CNTN3: variants seen among roughly 807,000 people sequenced by gnomAD.
CNTN3 encodes the protein contactin-3.
In CNTN3, 60 loss-of-function variants were observed where a neutral mutation model predicts 119.1. The ratio of observed to expected loss-of-function variants is 0.50; its 90% CI spans 0.41 to 0.62. The LOEUF is 0.62. Among genes scored for constraint, CNTN3 ranks in the 20% least tolerant of loss-of-function variants. CNTN3 has a pLI of 0.00. For missense variants in CNTN3, 1,101 were observed against 1,242.4 expected (o/e 0.89, Z 1.71); for synonymous variants, 450 against 438.7 (o/e 1.03, Z -0.32).
At chr3:74,599,837 A>C (rs1704879385) in intron 1 of CNTN3, among the ~76,000 whole-genome samples, 1 of 152,090 alleles carries the variant, frequency 6.6e-6, no homozygotes, top group African/African-American at 2.4e-5. Flanking sequence ...ATGATTTCTC[A>C]ATAGCAATAA....
chr3:74,268,217 T>A (rs1701702022), intron 20 of CNTN3, among the ~76,000 whole-genome samples: 1 of 152,020 alleles, frequency 6.6e-6, no homozygotes, highest in African/African-American at 2.4e-5. Context: ...GGTGAGGGTG[T>A]TGAGGGATGG....
intron 5 of CNTN3, among the ~76,000 whole-genome samples, chr3:74,405,978 G>T (rs772502151): frequency 2.1e-4 from 32 of 152,022 alleles, no homozygotes; most frequent in Non-Finnish European, 4.3e-4. Context: ...GCTTTCTGTT[G>T]TTCTGATAGA....
intron 20 of CNTN3, among the ~76,000 whole-genome samples, chr3:74,280,121 C>G (rs1200051827): frequency 4.6e-5 from 7 of 151,886 alleles, no homozygotes; most frequent in Admixed American, 3.3e-4. Context: ...ATCTCATGTA[C>G]TCCTTAAATA....
intron 1 of CNTN3, among the ~76,000 whole-genome samples, chr3:74,582,035 A>C (rs1256786375): frequency 6.6e-6 from 1 of 152,212 alleles, no homozygotes; most frequent in Non-Finnish European, 1.5e-5. Context: ...TCATGATCAC[A>C]GAGGGACAAA....
In CNTN3 at chr3:74,452,074, G is replaced by A. The variant is rs1251062168; in HGVS notation, c.359-27134C>T. On this transcript the variant is annotated intron_variant, in intron 4 of 22. Coordinates refer to ENST00000263665, the MANE Select transcript of CNTN3 (RefSeq NM_020872.3). ...AAGAAAGTCATTGGTAGCTCGATGGGGATGGCATTGAATCTATAAATTACC... is the reference window on the plus strand; with the variant it reads ...AAGAAAGTCATTGGTAGCTCGATGGAGATGGCATTGAATCTATAAATTACC... 2.0e-5 allele frequency among the ~76,000 whole-genome samples: 3 copies of A among 147,186 alleles called. No individual in the cohort carries two copies. The Admixed American group carries it at 2.0e-4, about 10-fold the overall frequency.
At position 74,498,281 on chromosome 3, in the gene CNTN3, AG is replaced by A. The variant is rs970601739; in HGVS notation, c.182+1377del. ...AAAATGCTGGAAAAAAATATTGTTA[AG>A]CTGATCTGTTCAACTTTCCCCATAA... is the stretch of plus-strand genomic sequence containing the variant. On this transcript the variant is annotated intron_variant, in intron 3 of 22. Coordinates refer to ENST00000263665, the MANE Select transcript of CNTN3 (RefSeq NM_020872.3). Among the ~76,000 whole-genome samples the A allele has an allele frequency of 6.3e-4, 95 of 152,000 alleles. 3 individuals carry two copies. Among genetic ancestry groups the A allele is most frequent in the South Asian group, 2.1e-4 (1 of 4,830 alleles).
At chr3:74,277,296 CAGGA>C (rs1348811658) in intron 20 of CNTN3, among the ~76,000 whole-genome samples, 1 of 152,032 alleles carries the variant, frequency 6.6e-6, no homozygotes, top group Non-Finnish European at 1.5e-5. Context: ...ATACTAACAC[CAGGA>C]AAAGACATAA....
chr3:74,434,618 A>G (rs1242389419), intron 4 of CNTN3, among the ~76,000 whole-genome samples: 1 of 152,172 alleles, frequency 6.6e-6, no homozygotes, highest in Non-Finnish European at 1.5e-5. Context: ...CTCTCTAGCT[A>G]TTTGAACAGG....
intron 11 of CNTN3, among the ~76,000 whole-genome samples, chr3:74,338,259 G>GA (rs1217180342): frequency 6.6e-6 from 1 of 152,010 alleles, no homozygotes. Flanking sequence ...CATTAGACTA[G>GA]AATGAAGGAT....
At chr3:74,360,731 C>T (rs1704055810) in intron 11 of CNTN3, among the ~76,000 whole-genome samples, 1 of 152,038 alleles carries the variant, frequency 6.6e-6, no homozygotes, top group Admixed American at 6.6e-5. Flanking sequence ...GAACCAAGGT[C>T]CCTGTTTTCT....
At chr3:74,378,793 T>A in intron 5 of CNTN3, among the ~76,000 whole-genome samples, 1 of 152,206 alleles carries the variant, frequency 6.6e-6, no homozygotes, top group South Asian at 2.1e-4. Flanking sequence ...TATCTAGAGA[T>A]CAAGTTATGA....
chr3:74,322,699 T>C (rs955549889), intron 13 of CNTN3, among the ~76,000 whole-genome samples: 3 of 152,190 alleles, frequency 2.0e-5, no homozygotes, highest in African/African-American at 7.2e-5. Context: ...CACAGATGTA[T>C]ATAGCAGCTT....
In CNTN3 at chr3:74,430,887, C is replaced by T. The variant is rs889652465; in HGVS notation, c.359-5947G>A. ...TTTCCTTTTATTTTCTCTTCCCCCA[C>T]GTTACCTACAGGATAGAAGTGGCTT... is the stretch of plus-strand genomic sequence containing the variant. On this transcript the variant is annotated intron_variant, in intron 4 of 22. Transcript: ENST00000263665. Among the ~76,000 whole-genome samples, 6 of 152,100 alleles carry T rather than the reference C, an allele frequency of 3.9e-5. No individual in the cohort carries two copies. In the South Asian group the frequency reaches 8.3e-4, roughly 21 times the overall value.
intron 4 of CNTN3, among the ~76,000 whole-genome samples, chr3:74,444,432 G>C (rs1702016689): frequency 6.6e-6 from 1 of 152,094 alleles, no homozygotes. Flanking sequence ...ATATTTCAGA[G>C]GGCCTGAGCA....
intron 5 of CNTN3, among the ~76,000 whole-genome samples, chr3:74,385,329 C>T (rs1238091164): frequency 6.6e-6 from 1 of 152,108 alleles, no homozygotes; most frequent in East Asian, 1.9e-4. Context: ...TCCTTTTGTC[C>T]TCTTATATAT....
chr3:74,588,483 A>C (rs1448925779), intron 1 of CNTN3, among the ~76,000 whole-genome samples: 1 of 152,132 alleles, frequency 6.6e-6, no homozygotes, highest in Non-Finnish European at 1.5e-5. Flanking sequence ...AGAACATTCC[A>C]TGCTCATGGG....
intron 15 of CNTN3, 46 bp downstream of exon 15, chr3:74,301,601 A>G (rs1426923323): frequency 6.2e-7 from 1 of 1,612,070 alleles, no homozygotes; most frequent in Non-Finnish European, 8.5e-7. Flanking sequence ...ATTGACTTGA[A>G]ATCCATTTAT....
intron 5 of CNTN3, among the ~76,000 whole-genome samples, chr3:74,420,296 C>T (rs974849998): frequency 7.9e-5 from 12 of 152,178 alleles, no homozygotes; most frequent in Non-Finnish European, 1.6e-4. Flanking sequence ...TGCAGAGCTG[C>T]CCCAAGTTGC....
Position 74,370,005 on chromosome 3 carries a change from A to G in CNTN3, c.659-14T>C. The G allele has an allele frequency of 1.5e-6, 2 of 1,362,284 alleles. No homozygotes were observed. 84.4% of individuals were successfully genotyped at this position (1,362,284 alleles called of 1,614,324 possible). ...CACCCATCACACCTATAAATCCACA[A>G]TATAAAGTTAATCGTTTCAATATTT... On this transcript the variant is annotated splice_polypyrimidine_tract_variant and intron_variant, in intron 6 of 22. Coordinates refer to ENST00000263665, the MANE Select transcript of CNTN3 (RefSeq NM_020872.3).
Sources: gnomAD v4.1 joint callset for allele counts (sites outside exome capture counted in the v4.1 genomes callset) on GRCh38, gnomAD v4.1.1 for gene constraint, MANE v1.5 for transcripts, NCBI Gene and HGNC (gene_info 2026-07-23, HGNC 2026-07-21) for gene names.